The following MCTP2 variants were observed in gnomAD, a reference collection of about 807,000 sequenced individuals.
The protein encoded by MCTP2 is multiple C2 and transmembrane domain containing 2.
In MCTP2, 132 loss-of-function variants were observed where a neutral mutation model predicts 111.6. The ratio of observed to expected loss-of-function variants is 1.18; its 90% CI spans 1.03 to 1.37. The LOEUF (loss-of-function observed/expected upper bound fraction) is 1.37. Ranked by LOEUF, MCTP2 falls within the 40% of genes most tolerant of loss-of-function variation. The pLI, the probability that MCTP2 is intolerant of heterozygous loss-of-function variation, is 0.00. For synonymous variants in MCTP2, 395 were observed against 387.7 expected, an observed-to-expected ratio of 1.02 and a Z score of -0.22; for missense variants, 1,183 against 1,067.9, an observed-to-expected ratio of 1.11 and a Z score of -1.50.
intron 1 of MCTP2, among the ~76,000 whole-genome samples, chr15:94,253,716 T>C (rs1413319253): frequency 1.3e-5 from 2 of 151,080 alleles, no homozygotes; most frequent in African/African-American, 2.4e-5. Flanking sequence ...TGTAATAGTC[T>C]CTCTCTTAAA....
At chr15:94,260,216 G>A (rs1563365) in intron 1 of MCTP2, among the ~76,000 whole-genome samples, 66,012 of 151,908 alleles carry the variant, frequency 0.43, 14,642 homozygotes, top group East Asian at 0.64. Context: ...AAGGGTATGC[G>A]AAAATTCCTC....
At chr15:94,402,098 G>T in intron 17 of MCTP2, 79 bp downstream of exon 17, 1 of 1,515,944 alleles carries the variant, frequency 6.6e-7, no homozygotes, top group Non-Finnish European at 8.9e-7. Flanking sequence ...TTACAGCGTA[G>T]GTGATTACGT....
At chr15:94,280,964 T>C (rs1567323614) in intron 1 of MCTP2, among the ~76,000 whole-genome samples, 2 of 151,732 alleles carry the variant, frequency 1.3e-5, no homozygotes, top group Non-Finnish European at 1.5e-5. Context: ...ATTTTTTAAC[T>C]TGTTGAGAAT....
intron 1 of MCTP2, among the ~76,000 whole-genome samples, chr15:94,245,058 A>G (rs1218607527): frequency 3.3e-5 from 5 of 149,890 alleles, no homozygotes; most frequent in African/African-American, 7.3e-5. Context: ...ATACACATAC[A>G]TATGTACCTG....
intron 8 of MCTP2, among the ~76,000 whole-genome samples, chr15:94,352,529 T>C (rs535416821): frequency 8.5e-5 from 13 of 152,198 alleles, no homozygotes; most frequent in Non-Finnish European, 1.9e-4. Context: ...TGTACTGTAT[T>C]GTATCCATTA....
At chr15:94,404,732 G>T (rs952033187) in intron 17 of MCTP2, among the ~76,000 whole-genome samples, 2 of 151,908 alleles carry the variant, frequency 1.3e-5, no homozygotes, top group Admixed American at 6.6e-5. Flanking sequence ...GGACTGGATT[G>T]GCGGGGCGGG....
chr15:94,441,732 A>G (rs1156301878), intron 18 of MCTP2, among the ~76,000 whole-genome samples: 4 of 152,212 alleles, frequency 2.6e-5, no homozygotes, highest in African/African-American at 7.2e-5. Flanking sequence ...TGATTTGCCT[A>G]AAGTCACAAA....
intron 5 of MCTP2, 40 bp from the exon 6 acceptor site, chr15:94,340,159 A>G (rs773449306): frequency 8.6e-6 from 12 of 1,390,814 alleles, no homozygotes; most frequent in Non-Finnish European, 1.1e-5. Flanking sequence ...CAGTTGGTTT[A>G]CCATAATAAT....
At chr15:94,286,650 T>C (rs1191628220) in intron 1 of MCTP2, among the ~76,000 whole-genome samples, 1 of 152,224 alleles carries the variant, frequency 6.6e-6, no homozygotes, top group Non-Finnish European at 1.5e-5. Flanking sequence ...GCGGTTCTTA[T>C]TCAGGTAACA....
intron 10 of MCTP2, among the ~76,000 whole-genome samples, chr15:94,363,810 C>T (rs1017611249): frequency 2.0e-5 from 3 of 152,024 alleles, no homozygotes; most frequent in South Asian, 2.1e-4. Context: ...ACCTTCTGAA[C>T]GACTGTCCAA....
intron 10 of MCTP2, among the ~76,000 whole-genome samples, chr15:94,359,494 G>A (rs184125592): frequency 1.5e-4 from 23 of 152,222 alleles, no homozygotes; most frequent in East Asian, 5.8e-4. Context: ...TGTCTTTTCC[G>A]AAGCTGGATC....
chr15:94,250,020 A>G (rs1197183113), intron 1 of MCTP2, among the ~76,000 whole-genome samples: 1 of 152,168 alleles, frequency 6.6e-6, no homozygotes, highest in Non-Finnish European at 1.5e-5. Flanking sequence ...CTGCCTTTGG[A>G]AAAAATCAGC....
chr15:94,336,258 C>T (rs970921007), intron 4 of MCTP2, among the ~76,000 whole-genome samples: 5 of 152,212 alleles, frequency 3.3e-5, no homozygotes, highest in Admixed American at 6.5e-5. Context: ...TTCTGATCCA[C>T]CCATGTTTCA....
intron 1 of MCTP2, among the ~76,000 whole-genome samples, chr15:94,277,052 G>A (rs2074255579): frequency 1.3e-5 from 2 of 151,828 alleles, no homozygotes; most frequent in South Asian, 4.1e-4. Context: ...GATAATTAGA[G>A]TTTACAGACA....
At chr15:94,272,954 T>A (rs2073989373) in intron 1 of MCTP2, among the ~76,000 whole-genome samples, 1 of 152,188 alleles carries the variant, frequency 6.6e-6, no homozygotes, top group Non-Finnish European at 1.5e-5. Context: ...TGCTTCACAA[T>A]CATGTGTCCA....
At position 94,370,166 on chromosome 15, in the gene MCTP2, C is replaced by G. The variant is rs527584613; in HGVS notation, c.1568C>G (p.Ala523Gly). The change falls in exon 12 of 23, where the codon GCG (alanine) becomes GGG (glycine). Residue 523 changes from alanine to glycine, a missense_variant. Physicochemically the swap from Ala to Gly is moderately conservative, Grantham distance 60 (BLOSUM62 0). Transcript: ENST00000357742. ...VKVLKAADLL[A>G]ADFSGKSDPF... Reference sequence around the variant, plus strand: ...GTTTTAAAGGCAGCAGATCTCTTAGCGGCAGATTTCTCAGGTACAGGACAT... The same window carrying G: ...GTTTTAAAGGCAGCAGATCTCTTAGGGGCAGATTTCTCAGGTACAGGACAT... 1 of 1,610,770 alleles carries G rather than the reference C, an allele frequency of 6.2e-7. No homozygotes were observed. The highest frequency in any genetic ancestry group is 2.2e-5 in the East Asian group (1 of 44,760).
At chr15:94,319,718 CCTGTTTG>C (rs1291693255) in intron 4 of MCTP2, among the ~76,000 whole-genome samples, 2 of 152,130 alleles carry the variant, frequency 1.3e-5, no homozygotes, top group African/African-American at 4.8e-5. Context: ...TTTCTCATTA[CCTGTTTG>C]CTGTCTGTCA....
At chr15:94,276,252 G>A (rs1027305992) in intron 1 of MCTP2, among the ~76,000 whole-genome samples, 13 of 152,072 alleles carry the variant, frequency 8.5e-5, no homozygotes, top group Admixed American at 6.6e-4. Flanking sequence ...ACAGGACAGA[G>A]ATTAAAACAG....
intron 21 of MCTP2, 195 bp from the exon 22 acceptor site, chr15:94,476,501 T>C: frequency 4.6e-6 from 2 of 436,042 alleles, no homozygotes; most frequent in Non-Finnish European, 8.3e-6. Flanking sequence ...TGACTTGAGG[T>C]CTGGTAATTG....
Sources: allele counts gnomAD v4.1 joint callset (sites outside exome capture counted in the v4.1 genomes callset), GRCh38; gene constraint gnomAD v4.1.1; transcripts MANE v1.5; gene names NCBI Gene and HGNC (gene_info 2026-07-23, HGNC 2026-07-21).